MAPK6: variants seen among roughly 807,000 people sequenced by gnomAD.
MAPK6 encodes the protein ERK-3.
A neutral mutation model predicts 59.3 loss-of-function variants in MAPK6; 19 were observed. The observed-to-expected ratio is 0.32, with a 90% CI of 0.22 to 0.47. MAPK6 has a LOEUF of 0.47. MAPK6 is among the 20% of genes least tolerant of loss of function. MAPK6 has a pLI of 1.00. For synonymous variants in MAPK6, 316 were observed against 290.3 expected, an observed-to-expected ratio of 1.09 and a Z score of -0.90; for missense variants, 724 against 847.9, an observed-to-expected ratio of 0.85 and a Z score of 1.81.
intron 1 of MAPK6, among the ~76,000 whole-genome samples, chr15:51,977,489 T>C (rs1040815035): frequency 6.6e-6 from 1 of 151,722 alleles, no homozygotes; most frequent in African/African-American, 2.4e-5. Flanking sequence ...CCCCATCTGT[T>C]ATCGCCCTCC....
In MAPK6 at chr15:52,050,017, A is replaced by G. The variant is rs1161213582; in HGVS notation, c.580A>G (p.Thr194Ala). Reference sequence around the variant, plus strand: ...GGGTCATCTTTCTGAAGGATTGGTTACTAAATGGTACAGATCTCCACGTCT... The same window carrying G: ...GGGTCATCTTTCTGAAGGATTGGTTGCTAAATGGTACAGATCTCCACGTCT... ...HKGHLSEGLV[T>A]KWYRSPRLLL... The change falls in exon 3 of 6, where the codon ACT becomes GCT. Residue 194 changes from threonine to alanine, a missense_variant. Coordinates refer to ENST00000261845, the MANE Select transcript of MAPK6 (RefSeq NM_002748.4). 2 of 1,611,604 alleles carry G rather than the reference A, an allele frequency of 1.2e-6. No homozygotes were observed. The highest frequency in any genetic ancestry group is 2.7e-5 in the African/African-American group (2 of 74,808).
At chr15:52,021,082 G>C (rs1474052428) in intron 1 of MAPK6, among the ~76,000 whole-genome samples, 1 of 152,166 alleles carries the variant, frequency 6.6e-6, no homozygotes, top group Non-Finnish European at 1.5e-5. Flanking sequence ...GCTACTTTCT[G>C]TTATTAAAAA....
intron 4 of MAPK6, among the ~76,000 whole-genome samples, chr15:52,059,835 T>G (rs901809705): frequency 2.0e-5 from 3 of 152,224 alleles, no homozygotes; most frequent in African/African-American, 7.2e-5. Flanking sequence ...ATTTATCAAT[T>G]GTATGCTCCA....
chr15:51,996,942 C>G (rs996287399), intron 2 of MAPK6, among the ~76,000 whole-genome samples: 19 of 152,126 alleles, frequency 1.2e-4, no homozygotes, highest in Non-Finnish European at 2.6e-4. Flanking sequence ...CTTAGCCTCC[C>G]AGAGTGCTGG....
At chr15:52,049,854 C>A in intron 2 of MAPK6, 139 bp from the exon 3 acceptor site, 1 of 707,720 alleles carries the variant, frequency 1.4e-6, no homozygotes, top group Admixed American at 2.5e-5. Flanking sequence ...CTTGGGTGAT[C>A]CGCCCACCTT....
Position 52,019,322 on chromosome 15 carries a change from G to T in MAPK6, c.-686G>T, listed in dbSNP as rs1019002740. The T allele has an allele frequency of 6.6e-6, 1 of 152,484 alleles. No individual in the cohort carries two copies. The highest frequency in any genetic ancestry group is 1.9e-4 in the South Asian group (1 of 5,266). 9.4% of individuals were successfully genotyped at this position (152,484 alleles called of 1,614,324 possible). ...GCCAGCACAGCCGGAGACCTGAGCC[G>T]ACACTGGGGGCAGTCCGCGAGCCCC... On this transcript the variant is annotated 5_prime_UTR_variant, in exon 1 of 6. Coordinates refer to ENST00000261845, the MANE Select transcript of MAPK6 (RefSeq NM_002748.4).
intron 1 of MAPK6, chr15:52,042,949 C>A (rs1010286130): frequency 6.6e-6 from 1 of 152,048 alleles, no homozygotes; most frequent in Non-Finnish European, 1.5e-5. Flanking sequence ...CATAGTGAAA[C>A]CCCGTCTCTT....
chr15:52,053,096 A>T (rs2031837905), intron 3 of MAPK6, among the ~76,000 whole-genome samples: 1 of 138,728 alleles, frequency 7.2e-6, no homozygotes. Flanking sequence ...TTTTTGAGAC[A>T]GAGTCTTGCT....
At chr15:51,974,656 C>CT (rs2057152019) in intron 1 of MAPK6, among the ~76,000 whole-genome samples, 1 of 96,790 alleles carries the variant, frequency 1.0e-5, no homozygotes, top group African/African-American at 3.8e-5. Context: ...GAGACTCCGT[C>CT]TCAAAAAAAA....
In MAPK6 at chr15:52,046,871, A is replaced by T. The variant is rs1197310528; in HGVS notation, c.411A>T (p.Leu137=). Residue 137 remains leucine, a synonymous_variant, in exon 2 of 6, where the codon CTA becomes CTT. Coordinates refer to ENST00000261845, the MANE Select transcript of MAPK6 (RefSeq NM_002748.4). The stretch of plus-strand genomic sequence containing the variant: ...CCAGGCTTTTCATGTATCAGCTGCT[A>T]CGGGGGCTCAAGTATATTCACTCTG... The part of the protein sequence containing the change: ...EHARLFMYQL[L]RGLKYIHSAN... The T allele has an allele frequency of 6.2e-7, 1 of 1,614,114 alleles. No individual in the cohort carries two copies. Among genetic ancestry groups the T allele is most frequent in the Admixed American group, 1.7e-5 (1 of 60,000 alleles).
intron 1 of MAPK6, among the ~76,000 whole-genome samples, chr15:52,039,669 C>G (rs1475372781): frequency 6.6e-6 from 1 of 151,800 alleles, no homozygotes; most frequent in Admixed American, 6.6e-5. Flanking sequence ...GTGTGAGCCA[C>G]GACACCTGGC....
At chr15:52,018,099 C>G (rs1268805355), upstream of MAPK6, 1 of 152,208 alleles carries the variant, frequency 6.6e-6, no homozygotes, top group Non-Finnish European at 1.5e-5. Flanking sequence ...GGCGCGATCT[C>G]GGCTCACTGC....
At chr15:52,056,114 G>A (rs2031971760) in intron 3 of MAPK6, among the ~76,000 whole-genome samples, 1 of 152,192 alleles carries the variant, frequency 6.6e-6, no homozygotes, top group Non-Finnish European at 1.5e-5. Context: ...TAAGGACCAA[G>A]CACTCATTGG....
chr15:52,065,530 C>T lies in MAPK6; in HGVS notation c.*530C>T, dbSNP rs1412067296. On this transcript the variant is annotated 3_prime_UTR_variant, in exon 6 of 6. Coordinates refer to ENST00000261845, the MANE Select transcript of MAPK6 (RefSeq NM_002748.4). ...AGTATGTGGCAAAACATATACCACC[C>T]ATAGTGCTTCACAAAATGCACTTCT... 1 of 152,690 alleles carries T rather than the reference C, an allele frequency of 6.5e-6. No individual in the cohort carries two copies. The highest frequency in any genetic ancestry group is 1.5e-5 in the Non-Finnish European group (1 of 68,092). The allele number at this position is 152,690 out of a possible 1,614,324, so 9.5% of individuals were successfully genotyped here. A position where few individuals can be genotyped will look rare whatever the true frequency, so the allele number is the denominator to read the frequency against.
rs547361204 is a variant in MAPK6 at position 52,051,782 on chromosome 15, G to A, written c.700+1645G>A. ...CCAGCTACTGGGGAGGCTGAGGCAC[G>A]ATAATCGCTTGAACCTGGGAGGCAG... On this transcript the variant is annotated intron_variant, in intron 3 of 5. Coordinates refer to ENST00000261845, the MANE Select transcript of MAPK6 (RefSeq NM_002748.4). 5.9e-5 allele frequency among the ~76,000 whole-genome samples: 9 copies of A among 151,514 alleles called. No homozygotes were observed. In the South Asian group the frequency reaches 6.2e-4, roughly 11 times the overall value.
At chr15:52,040,464 C>T (rs2031380554) in intron 1 of MAPK6, among the ~76,000 whole-genome samples, 1 of 152,208 alleles carries the variant, frequency 6.6e-6, no homozygotes, top group Admixed American at 6.5e-5. Context: ...AGCAGCAGAG[C>T]AGAAGGTTGA....
intron 2 of MAPK6, among the ~76,000 whole-genome samples, chr15:51,992,719 C>T (rs974001874): frequency 6.6e-6 from 1 of 152,070 alleles, no homozygotes; most frequent in Non-Finnish European, 1.5e-5. Flanking sequence ...AATTAGTTTG[C>T]TAGAGTGGCT....
upstream of MAPK6, among the ~76,000 whole-genome samples, chr15:52,016,761 C>T (rs547055969): frequency 2.6e-5 from 4 of 152,202 alleles, no homozygotes; most frequent in African/African-American, 7.2e-5. Flanking sequence ...AACCAGATCC[C>T]TGGGCCAGGT....
chr15:51,990,243 A>C (rs1053490613), intron 2 of MAPK6, among the ~76,000 whole-genome samples: 1 of 152,160 alleles, frequency 6.6e-6, no homozygotes, highest in African/African-American at 2.4e-5. Context: ...GTTAATAGGG[A>C]AAAAAATACA....
Sources: allele counts gnomAD v4.1 joint callset (sites outside exome capture counted in the v4.1 genomes callset), GRCh38; gene constraint gnomAD v4.1.1; transcripts MANE v1.5; gene names NCBI Gene and HGNC (gene_info 2026-07-23, HGNC 2026-07-21).